GNB1L: variants seen among roughly 807,000 people sequenced by gnomAD.
GNB1L encodes G protein subunit beta 1 like, also known as guanine nucleotide-binding protein subunit beta-like protein 1.
GNB1L carries 20 observed loss-of-function variants against 29.1 expected under a neutral mutation model. The ratio of observed to expected loss-of-function variants is 0.69; its 90% CI spans 0.48 to 1.00. GNB1L has a LOEUF of 1.00. Among genes scored for constraint, GNB1L ranks in the 50% least tolerant of loss-of-function variants. The pLI is 0.00. For missense variants in GNB1L, 421 were observed against 464.9 expected, an observed-to-expected ratio of 0.91 and a Z score of 0.87; for synonymous variants, 193 against 206.5, an observed-to-expected ratio of 0.93 and a Z score of 0.56.
rs559655815 is a variant in GNB1L, at chr22:19,799,469, C to T, written c.732+2532G>A. ...AGCCCCAGCCTGGACCTGGGCCTTC[C>T]AGGAAGGATCTCTGGCCACCAGTGG... On this transcript the variant is annotated intron_variant, in intron 7 of 7. Coordinates refer to ENST00000329517, the MANE Select transcript of GNB1L (RefSeq NM_053004.3). 2.8e-4 allele frequency among the ~76,000 whole-genome samples: 43 copies of T among 152,358 alleles called. 1 individual carries two copies. Among genetic ancestry groups the T allele is most frequent in the African/African-American group, 9.9e-4 (41 of 41,582 alleles).
intron 2 of GNB1L, among the ~76,000 whole-genome samples, chr22:19,844,166 T>C (rs1937912410): frequency 6.6e-6 from 1 of 152,212 alleles, no homozygotes; most frequent in Admixed American, 6.5e-5. Context: ...CCCTTCCAGA[T>C]AGGCCCTGCT....
At chr22:19,849,330 C>CAA (rs1938037615) in intron 2 of GNB1L, 1 of 968,800 alleles carries the variant, frequency 1.0e-6, no homozygotes, top group Non-Finnish European at 1.2e-6. Flanking sequence ...AAAATAATCC[C>CAA]AACAATTTAT....
intron 2 of GNB1L, among the ~76,000 whole-genome samples, chr22:19,822,932 G>T (rs1263977257): frequency 5.3e-5 from 8 of 152,312 alleles, no homozygotes; most frequent in Non-Finnish European, 7.4e-5. Context: ...TGGGGCAAAG[G>T]TTCAAAACAC....
At chr22:19,795,605 A>G (rs1298264819) in intron 7 of GNB1L, among the ~76,000 whole-genome samples, 1 of 152,274 alleles carries the variant, frequency 6.6e-6, no homozygotes, top group East Asian at 1.9e-4. Context: ...TAGCTACAAA[A>G]TCAACGAATA....
At chr22:19,792,804 C>A in intron 7 of GNB1L, 5 of 1,361,692 alleles carry the variant, frequency 3.7e-6, no homozygotes, top group South Asian at 3.6e-5. Flanking sequence ...TGTCTTCTTG[C>A]CTGCCTTGTG....
chr22:19,852,524 C>T (rs1191120309), intron 2 of GNB1L: 2 of 494,332 alleles, frequency 4.0e-6, no homozygotes, highest in Non-Finnish European at 7.2e-6. Flanking sequence ...AGGAACTAGG[C>T]CTAACCATCA....
chr22:19,800,477 G>C (rs1937356547), intron 7 of GNB1L, among the ~76,000 whole-genome samples: 1 of 152,194 alleles, frequency 6.6e-6, no homozygotes, highest in East Asian at 1.9e-4. Context: ...GAGGGAGGGA[G>C]TGCAAGGGAG....
chr22:19,820,483 C>T, intron 4 of GNB1L, 115 bp downstream of exon 4: 1 of 1,175,320 alleles, frequency 8.5e-7, no homozygotes, highest in Non-Finnish European at 1.2e-6. Flanking sequence ...CTTTGCTGGC[C>T]CCTTCTGGTT....
chr22:19,832,473 G>A (rs1238001770), intron 2 of GNB1L, among the ~76,000 whole-genome samples: 1 of 152,176 alleles, frequency 6.6e-6, no homozygotes, highest in Non-Finnish European at 1.5e-5. Flanking sequence ...GTGTGTTTTG[G>A]GGTGCTGCCC....
At chr22:19,820,787 A>G (rs1937572298) in intron 3 of GNB1L, 64 bp from the exon 4 acceptor site, 1 of 1,545,828 alleles carries the variant, frequency 6.5e-7, no homozygotes. Flanking sequence ...CTCTGGGGCC[A>G]GCCTGGAGGC....
intron 7 of GNB1L, among the ~76,000 whole-genome samples, chr22:19,794,100 G>A (rs1937280348): frequency 6.6e-6 from 1 of 152,090 alleles, no homozygotes; most frequent in African/African-American, 2.4e-5. Context: ...AACATAGTGA[G>A]ACCCTATCTC....
intron 2 of GNB1L, among the ~76,000 whole-genome samples, chr22:19,833,933 T>C (rs1223555016): frequency 6.6e-6 from 1 of 150,622 alleles, no homozygotes; most frequent in Non-Finnish European, 1.5e-5. Flanking sequence ...ATTGAGTAAG[T>C]GAAATTATTC....
intron 2 of GNB1L, among the ~76,000 whole-genome samples, chr22:19,842,735 A>G (rs1156576046): frequency 6.6e-6 from 1 of 152,236 alleles, no homozygotes; most frequent in African/African-American, 2.4e-5. Flanking sequence ...TGGGCAAGGA[A>G]AACATGCTGC....
At chr22:19,795,488 C>A (rs1019519648) in intron 7 of GNB1L, among the ~76,000 whole-genome samples, 2 of 152,208 alleles carry the variant, frequency 1.3e-5, no homozygotes, top group African/African-American at 4.8e-5. Context: ...GTGCACTCCC[C>A]GAGACACGCC....
At chr22:19,805,099 G>A (rs112670097) in intron 6 of GNB1L, among the ~76,000 whole-genome samples, 89 of 152,218 alleles carry the variant, frequency 5.8e-4, no homozygotes, top group African/African-American at 1.7e-3. Flanking sequence ...TGCTGGCACC[G>A]AGTTTCATCA....
At chr22:19,802,838 G>A (rs12169469) in intron 6 of GNB1L, among the ~76,000 whole-genome samples, 3,811 of 152,322 alleles carry the variant, frequency 0.025, 130 homozygotes, top group African/African-American at 0.079. Context: ...ATGAGGGCGC[G>A]GGTCAGAGGG....
In GNB1L at chr22:19,785,109, G is replaced by T. The variant is rs538781812; in HGVS notation, c.*3600C>A. The T allele has an allele frequency of 6.6e-6, 1 of 152,390 alleles. No homozygotes were observed. Among genetic ancestry groups the T allele is most frequent in the Non-Finnish European group, 1.5e-5 (1 of 68,080 alleles). The allele number at this position is 152,390 out of a possible 1,614,324, so 9.4% of individuals were successfully genotyped here. On this transcript the variant is annotated 3_prime_UTR_variant, in exon 8 of 8. Transcript: ENST00000329517. This position sits in a 1 kb window ranked among gnomAD's most constrained non-coding sequence, Gnocchi z 4.1. ...GAAATTCTTCCAATAAGAACAGGAT[G>T]GTGGGCCGGGCGCAGTGGCTCAGGC...
At chr22:19,848,342 C>T (rs1040189701) in intron 2 of GNB1L, 254 of 985,370 alleles carry the variant, frequency 2.6e-4, no homozygotes, top group Non-Finnish European at 3.0e-4. Context: ...AGCACCCTGC[C>T]TTCGGGTCTG....
intron 2 of GNB1L, chr22:19,850,541 C>T: frequency 9.1e-7 from 1 of 1,093,184 alleles, no homozygotes; most frequent in Non-Finnish European, 1.1e-6. Flanking sequence ...CACCTTCCTG[C>T]ATCCAAACCT....
Sources: gnomAD v4.1 joint callset for allele counts (sites outside exome capture counted in the v4.1 genomes callset) on GRCh38, gnomAD v4.1.1 for gene constraint, Gnocchi (gnomAD v3.1) non-coding constraint, MANE v1.5 for transcripts, NCBI Gene and HGNC (gene_info 2026-07-23, HGNC 2026-07-21) for gene names.